VAV3: variants seen among roughly 807,000 people sequenced by gnomAD.
VAV3 encodes guanine nucleotide exchange factor VAV3.
VAV3 carries 94 observed loss-of-function variants against 131.2 expected under a neutral mutation model. That is an observed-to-expected ratio of 0.72 (90% confidence interval 0.61 to 0.85). The LOEUF is 0.85. Among genes scored for constraint, VAV3 ranks in the 40% least tolerant of loss-of-function variants. The pLI is 0.00. For missense variants in VAV3, 939 were observed against 1,002.7 expected, an observed-to-expected ratio of 0.94 and a Z score of 0.86; for synonymous variants, 349 against 342.0, an observed-to-expected ratio of 1.02 and a Z score of -0.22.
At chr1:107,801,363 G>C (rs895999878) in intron 2 of VAV3, among the ~76,000 whole-genome samples, 1 of 152,096 alleles carries the variant, frequency 6.6e-6, no homozygotes, top group Non-Finnish European at 1.5e-5. Flanking sequence ...CTGATATTTT[G>C]ATAAGGACTG....
intron 15 of VAV3, among the ~76,000 whole-genome samples, chr1:107,745,257 A>C (rs969109543): frequency 6.6e-6 from 1 of 152,218 alleles, no homozygotes; most frequent in African/African-American, 2.4e-5. Flanking sequence ...CAGCCTCTTA[A>C]AGATTTAAAT....
chr1:107,576,474 G>A, intron 25 of VAV3: 2 of 1,498,204 alleles, frequency 1.3e-6, no homozygotes, highest in Non-Finnish European at 8.8e-7. Context: ...ACAAAGAGGG[G>A]GCTTTGAGAA....
intron 2 of VAV3, among the ~76,000 whole-genome samples, chr1:107,812,291 G>A (rs1335704138): frequency 1.3e-5 from 2 of 152,040 alleles, no homozygotes; most frequent in South Asian, 2.1e-4. Flanking sequence ...ATGGAGAGAT[G>A]CCACAGAAAT....
chr1:107,576,584 G>T, intron 25 of VAV3: 1 of 940,076 alleles, frequency 1.1e-6, no homozygotes, highest in Non-Finnish European at 1.5e-6. Flanking sequence ...ATTTCTAAAT[G>T]AAGAACAAGC....
intron 15 of VAV3, among the ~76,000 whole-genome samples, chr1:107,727,876 A>C (rs927672490): frequency 3.9e-5 from 6 of 152,188 alleles, no homozygotes; most frequent in Non-Finnish European, 8.8e-5. Flanking sequence ...AACTCAATCT[A>C]AGGGGAGTTT....
chr1:107,828,263 G>A (rs1017420285), intron 2 of VAV3, among the ~76,000 whole-genome samples: 2 of 152,084 alleles, frequency 1.3e-5, no homozygotes, highest in South Asian at 4.1e-4. Context: ...TGCCTTTCAA[G>A]CGTACAAGAT....
At chr1:107,801,394 T>G (rs961799921) in intron 2 of VAV3, among the ~76,000 whole-genome samples, 5 of 152,184 alleles carry the variant, frequency 3.3e-5, no homozygotes, top group Non-Finnish European at 5.9e-5. Flanking sequence ...ATAGATTGCT[T>G]TGAGTAGCAC....
intron 15 of VAV3, 23 bp downstream of exon 15, chr1:107,748,945 C>T: frequency 2.6e-6 from 4 of 1,523,034 alleles, no homozygotes; most frequent in Non-Finnish European, 3.6e-6. Context: ...AATAAAAGCA[C>T]TTTTAAAAAT....
At chr1:107,840,159 A>G (rs1571024645) in intron 2 of VAV3, among the ~76,000 whole-genome samples, 1 of 152,220 alleles carries the variant, frequency 6.6e-6, no homozygotes, top group Non-Finnish European at 1.5e-5. Flanking sequence ...AGAAACTTGT[A>G]AATGTTTTGC....
At chr1:107,894,678 A>T (rs139731661) in intron 1 of VAV3, among the ~76,000 whole-genome samples, 362 of 152,350 alleles carry the variant, frequency 2.4e-3, no homozygotes, top group African/African-American at 8.3e-3. Context: ...AAAACGGCAG[A>T]TATAAATATT....
At chr1:107,665,380 G>A (rs996838568) in intron 19 of VAV3, among the ~76,000 whole-genome samples, 1 of 152,008 alleles carries the variant, frequency 6.6e-6, no homozygotes, top group South Asian at 2.1e-4. Context: ...TTATCACATG[G>A]GCCAGCAATT....
intron 15 of VAV3, among the ~76,000 whole-genome samples, chr1:107,725,282 G>T (rs1198742281): frequency 6.6e-6 from 1 of 152,148 alleles, no homozygotes; most frequent in Non-Finnish European, 1.5e-5. Context: ...CCTCATGATT[G>T]TTCTGTGTGA....
intron 1 of VAV3, among the ~76,000 whole-genome samples, chr1:107,918,993 C>T (rs1351830990): frequency 1.3e-5 from 2 of 152,026 alleles, no homozygotes; most frequent in Non-Finnish European, 2.9e-5. Flanking sequence ...AGGCACGAGC[C>T]ACCCCGCTGG....
chr1:107,657,504 T>C (rs1656658443), intron 19 of VAV3, among the ~76,000 whole-genome samples: 1 of 152,204 alleles, frequency 6.6e-6, no homozygotes, highest in Non-Finnish European at 1.5e-5. Context: ...TAAGAAAGAA[T>C]TGTTATACAC....
chr1:107,908,865 ACACACACACAAT>A (rs1672236344), intron 1 of VAV3, among the ~76,000 whole-genome samples: 1 of 136,236 alleles, frequency 7.3e-6, no homozygotes, highest in Admixed American at 7.1e-5. Flanking sequence ...ACACACACAC[ACACACACACAAT>A]ATAAAACATA....
At chr1:107,819,505 TCAA>T (rs1667702159) in intron 2 of VAV3, among the ~76,000 whole-genome samples, 12 of 130,752 alleles carry the variant, frequency 9.2e-5, no homozygotes, top group African/African-American at 3.5e-4. Flanking sequence ...AGACTCTGTC[TCAA>T]AAAAAAAAAA....
chr1:107,896,110 A>C (rs1356553767), intron 1 of VAV3, among the ~76,000 whole-genome samples: 1 of 152,150 alleles, frequency 6.6e-6, no homozygotes. Flanking sequence ...TCAGAACAAC[A>C]CAGATACATA....
rs1650443294 is a variant in VAV3 at position 107,585,848 on chromosome 1, TAC to T, written c.2350+10362_2350+10363del. On this transcript the variant is annotated intron_variant, in intron 25 of 26. Coordinates refer to ENST00000370056, the MANE Select transcript of VAV3 (RefSeq NM_006113.5). Reference sequence around the variant, plus strand: ...ACAAATGCTCTACACACACTGTAGTTACAGTTTCAGCATCCTGCTCTATGTAT... The same window carrying T: ...ACAAATGCTCTACACACACTGTAGTTAGTTTCAGCATCCTGCTCTATGTAT... Among the ~76,000 whole-genome samples, 5 of 152,326 alleles carry T rather than the reference TAC, an allele frequency of 3.3e-5. No individual in the cohort carries two copies. In the South Asian group the frequency reaches 1.0e-3, roughly 32 times the overall value.
At chr1:107,577,685 T>C (rs1013252677) in intron 25 of VAV3, among the ~76,000 whole-genome samples, 3 of 152,238 alleles carry the variant, frequency 2.0e-5, no homozygotes, top group African/African-American at 7.2e-5. Flanking sequence ...TCTTGGTTCA[T>C]GAGGAGGAAA....
Sources: gnomAD v4.1 joint callset for allele counts (sites outside exome capture counted in the v4.1 genomes callset) on GRCh38, gnomAD v4.1.1 for gene constraint, MANE v1.5 for transcripts, NCBI Gene and HGNC (gene_info 2026-07-23, HGNC 2026-07-21) for gene names.